The following NCOA7 variants were observed in gnomAD, a reference collection of about 807,000 sequenced individuals.
NCOA7 encodes the protein nuclear receptor coactivator 7.
Under a neutral mutation model 104.3 loss-of-function variants are expected in NCOA7, and 45 were observed. The observed-to-expected ratio is 0.43, with a 90% CI of 0.34 to 0.55. The LOEUF is 0.55. Ranked by LOEUF, NCOA7 falls within the 20% of genes least tolerant of loss-of-function variation. NCOA7 has a pLI of 0.02. For missense variants in NCOA7, 1,041 were observed against 1,119.7 expected (o/e 0.93, Z 1.00); for synonymous variants, 398 against 402.3 (o/e 0.99, Z 0.13).
At position 125,815,483 on chromosome 6, in the gene NCOA7, G is replaced by T. The variant is rs574282392; in HGVS notation, c.50+79G>T. On this transcript the variant is annotated intron_variant, in intron 2 of 15. Transcript: ENST00000392477. ...GGACTTTGTCCTCAAGTATTACTTC[G>T]CATTTTGTGTTTTGTGCTTGTTCAT... 4.5e-4 allele frequency: 545 copies of T among 1,202,382 alleles called. 2 individuals are homozygous for T. The African/African-American group carries it at 6.3e-3, about 14-fold the overall frequency. 74.5% of individuals were successfully genotyped at this position (1,202,382 alleles called of 1,614,324 possible).
intron 1 of NCOA7, among the ~76,000 whole-genome samples, chr6:125,782,718 A>G (rs1181248439): frequency 6.6e-6 from 1 of 152,228 alleles, no homozygotes. Flanking sequence ...TTATATCAGA[A>G]TGCACATAAT....
intron 10 of NCOA7, among the ~76,000 whole-genome samples, chr6:125,911,184 T>G (rs1786508350): frequency 6.6e-6 from 1 of 152,242 alleles, no homozygotes; most frequent in African/African-American, 2.4e-5. Flanking sequence ...AGCACATGAT[T>G]TACAGCTGTG....
chr6:125,913,412 G>A (rs1416518937), intron 10 of NCOA7, among the ~76,000 whole-genome samples: 3 of 152,214 alleles, frequency 2.0e-5, no homozygotes, highest in African/African-American at 7.2e-5. Flanking sequence ...TCTACTCAGA[G>A]TCTACTGATA....
intron 11 of NCOA7, among the ~76,000 whole-genome samples, chr6:125,918,595 C>T (rs1271354297): frequency 1.3e-5 from 2 of 152,184 alleles, no homozygotes; most frequent in Non-Finnish European, 2.9e-5. Flanking sequence ...TCTTTCTAAC[C>T]TCCTGACATG....
intron 2 of NCOA7, among the ~76,000 whole-genome samples, chr6:125,834,438 G>T (rs1383550996): frequency 6.6e-6 from 1 of 152,124 alleles, no homozygotes; most frequent in Non-Finnish European, 1.5e-5. Flanking sequence ...ATTTAGGGAT[G>T]GAAAATATCT....
At chr6:125,919,295 A>G in intron 11 of NCOA7, 2 of 1,612,606 alleles carry the variant, frequency 1.2e-6, no homozygotes, top group Non-Finnish European at 1.7e-6. Flanking sequence ...GTGGTGTGGA[A>G]GCAGAGTAGA....
In NCOA7 at chr6:125,870,782, G is replaced by A. The variant is rs573636391; in HGVS notation, c.272-4107G>A. 8.7e-4 allele frequency among the ~76,000 whole-genome samples: 133 copies of A among 152,236 alleles called. 1 individual carries two copies. The highest frequency in any genetic ancestry group is 3.2e-3 in the African/African-American group (131 of 41,532). The stretch of plus-strand genomic sequence containing the variant: ...CAGGATCTTAGAGTCTTGTGTTCTG[G>A]ACACTCCAGGCCCTTTTATGGTGTG... On this transcript the variant is annotated intron_variant, in intron 3 of 15. Transcript: ENST00000392477.
At chr6:125,880,290 G>A (rs763608205) in intron 5 of NCOA7, among the ~76,000 whole-genome samples, 3 of 151,912 alleles carry the variant, frequency 2.0e-5, no homozygotes, top group Non-Finnish European at 2.9e-5. Flanking sequence ...TAGCAAGCTG[G>A]GTTTGTTCCA....
intron 1 of NCOA7, among the ~76,000 whole-genome samples, chr6:125,782,891 G>C (rs914891810): frequency 2.0e-5 from 3 of 152,204 alleles, no homozygotes; most frequent in Non-Finnish European, 4.4e-5. Flanking sequence ...TTTTGAGATG[G>C]AGATTATCCT....
chr6:125,900,708 G>A (rs1216705392), intron 10 of NCOA7, among the ~76,000 whole-genome samples: 1 of 152,102 alleles, frequency 6.6e-6, no homozygotes, highest in Admixed American at 6.6e-5. Flanking sequence ...ACAATGCATT[G>A]TTAATTATAG....
chr6:125,794,244 A>G (rs565002499), intron 1 of NCOA7, among the ~76,000 whole-genome samples: 7 of 152,212 alleles, frequency 4.6e-5, no homozygotes, highest in Non-Finnish European at 2.9e-5. Flanking sequence ...TTTAAATGCC[A>G]AAGAAAAGCT....
At chr6:125,799,633 G>T (rs1006127139) in intron 1 of NCOA7, among the ~76,000 whole-genome samples, 1 of 151,882 alleles carries the variant, frequency 6.6e-6, no homozygotes, top group African/African-American at 2.4e-5. Context: ...GTAGAGACGG[G>T]GTTTCACCTG....
chr6:125,922,169 G>GT (rs1438227425), intron 12 of NCOA7, among the ~76,000 whole-genome samples: 3 of 152,178 alleles, frequency 2.0e-5, no homozygotes, highest in African/African-American at 4.8e-5. Flanking sequence ...TTATGGCCAA[G>GT]TTTAAATATT....
intron 1 of NCOA7, among the ~76,000 whole-genome samples, chr6:125,785,026 G>T (rs988404007): frequency 1.2e-4 from 18 of 150,066 alleles, no homozygotes; most frequent in African/African-American, 4.5e-4. Flanking sequence ...ACACAAACAT[G>T]CATGAATGTA....
intron 11 of NCOA7, chr6:125,919,446 G>T (rs367775031): frequency 6.2e-7 from 1 of 1,611,688 alleles, no homozygotes; most frequent in Non-Finnish European, 8.5e-7. Context: ...GTTGGAGTGC[G>T]TCCCGAGGGC....
chr6:125,844,130 T>C (rs1406139708), intron 2 of NCOA7, among the ~76,000 whole-genome samples: 1 of 152,170 alleles, frequency 6.6e-6, no homozygotes, highest in African/African-American at 2.4e-5. Flanking sequence ...AAAATTGAAT[T>C]GTTGTGGTTT....
At chr6:125,911,973 C>T (rs964890705) in intron 10 of NCOA7, among the ~76,000 whole-genome samples, 5 of 152,186 alleles carry the variant, frequency 3.3e-5, no homozygotes, top group African/African-American at 7.2e-5. Context: ...GGAGGCATGC[C>T]GTTGCTGAAA....
intron 8 of NCOA7, among the ~76,000 whole-genome samples, chr6:125,887,908 G>A (rs772510833): frequency 6.6e-6 from 1 of 152,080 alleles, no homozygotes; most frequent in Non-Finnish European, 1.5e-5. Context: ...ATATTTGAAA[G>A]TATTACTATT....
chr6:125,854,937 A>G (rs1349415000), intron 2 of NCOA7, 83 bp from the exon 3 acceptor site: 3 of 885,200 alleles, frequency 3.4e-6, no homozygotes, highest in South Asian at 1.7e-5. Context: ...TTAGTTTTCA[A>G]AGTCCAGCAG....
Sources: gnomAD v4.1 joint callset for allele counts (sites outside exome capture counted in the v4.1 genomes callset) on GRCh38, gnomAD v4.1.1 for gene constraint, MANE v1.5 for transcripts, NCBI Gene and HGNC (gene_info 2026-07-23, HGNC 2026-07-21) for gene names.